The following MTHFD1L variants were observed in gnomAD, a reference collection of about 807,000 sequenced individuals.
MTHFD1L encodes the protein methylenetetrahydrofolate dehydrogenase (NADP+ dependent) 1 like, also known as monofunctional C1-tetrahydrofolate synthase, mitochondrial.
In MTHFD1L, 81 loss-of-function variants were observed where a neutral mutation model predicts 119.5. The ratio of observed to expected loss-of-function variants is 0.68; its 90% CI spans 0.57 to 0.82. The LOEUF is 0.82. Ranked by LOEUF, MTHFD1L falls within the 40% of genes least tolerant of loss-of-function variation. The pLI, the probability that MTHFD1L is intolerant of heterozygous loss-of-function variation, is 0.00. For missense variants in MTHFD1L, 1,125 were observed against 1,253.4 expected (o/e 0.90, Z 1.55); for synonymous variants, 430 against 475.2 (o/e 0.90, Z 1.24).
At chr6:151,062,705 A>G (rs576658403) in intron 26 of MTHFD1L, among the ~76,000 whole-genome samples, 4 of 152,310 alleles carry the variant, frequency 2.6e-5, no homozygotes, top group African/African-American at 9.6e-5. Flanking sequence ...ATTTGCTTGA[A>G]GCTCTGGTAA....
At chr6:150,915,987 G>A (rs565388838) in intron 8 of MTHFD1L, among the ~76,000 whole-genome samples, 1 of 152,296 alleles carries the variant, frequency 6.6e-6, no homozygotes, top group African/African-American at 2.4e-5. Context: ...CAGATCTCTA[G>A]TGGTTAAAAC....
chr6:150,980,540 C>T (rs182410195), intron 20 of MTHFD1L, among the ~76,000 whole-genome samples: 135 of 152,240 alleles, frequency 8.9e-4, no homozygotes, highest in African/African-American at 3.1e-3. Context: ...TCATCAAAAT[C>T]TTAACATGTC....
chr6:150,905,995 T>C (rs980799175), intron 8 of MTHFD1L, among the ~76,000 whole-genome samples: 2 of 152,210 alleles, frequency 1.3e-5, no homozygotes, highest in Non-Finnish European at 2.9e-5. Flanking sequence ...TACTGGCCTC[T>C]AGCAGTCAGG....
chr6:150,908,029 C>G (rs1786225775), intron 8 of MTHFD1L, among the ~76,000 whole-genome samples: 1 of 150,606 alleles, frequency 6.6e-6, no homozygotes, highest in Non-Finnish European at 1.5e-5. Flanking sequence ...TCCCAAGTAG[C>G]TAGGATTACA....
intron 17 of MTHFD1L, among the ~76,000 whole-genome samples, chr6:150,957,033 A>G (rs1795750123): frequency 6.6e-6 from 1 of 152,258 alleles, no homozygotes; most frequent in Non-Finnish European, 1.5e-5. Context: ...GATTAAAAGG[A>G]CAGCCCAAAA....
chr6:151,087,085 C>T (rs1334115574), intron 26 of MTHFD1L, among the ~76,000 whole-genome samples: 1 of 151,892 alleles, frequency 6.6e-6, no homozygotes, highest in Non-Finnish European at 1.5e-5. Context: ...CTTGTCTCTA[C>T]CAAAAATACA....
chr6:150,866,555 T>G (rs1778368672), intron 1 of MTHFD1L: 3 of 1,239,418 alleles, frequency 2.4e-6, no homozygotes, highest in Non-Finnish European at 2.0e-6. Context: ...CTCCCTGGTG[T>G]TGTGCGCCCT....
At chr6:150,912,586 C>T in intron 8 of MTHFD1L, 1 of 434,464 alleles carries the variant, frequency 2.3e-6, no homozygotes, top group South Asian at 1.8e-5. Context: ...GTGGTCTCTG[C>T]ACTGCTCATA....
intron 25 of MTHFD1L, among the ~76,000 whole-genome samples, chr6:151,036,296 A>G (rs1786155991): frequency 1.3e-5 from 2 of 152,106 alleles, no homozygotes; most frequent in Non-Finnish European, 2.9e-5. Flanking sequence ...TGTGGTTGCA[A>G]TGAATTAGCA....
intron 20 of MTHFD1L, among the ~76,000 whole-genome samples, chr6:150,976,283 C>A (rs2129030028): frequency 6.6e-6 from 1 of 152,284 alleles, no homozygotes; most frequent in South Asian, 2.1e-4. Flanking sequence ...ACACTGATAA[C>A]TTTCTTTGAA....
intron 1 of MTHFD1L, chr6:150,866,730 C>T (rs1778409374): frequency 1.4e-5 from 15 of 1,072,574 alleles, no homozygotes; most frequent in Non-Finnish European, 1.7e-5. Flanking sequence ...GGAGTCCCCG[C>T]GCAGCTGGGT....
At chr6:150,919,866 T>C (rs1204321605) in intron 9 of MTHFD1L, among the ~76,000 whole-genome samples, 2 of 152,138 alleles carry the variant, frequency 1.3e-5, no homozygotes, top group Admixed American at 1.3e-4. Context: ...CCAAACTATA[T>C]CAAATTGTTT....
At chr6:151,064,402 C>G (rs1252155603) in intron 26 of MTHFD1L, among the ~76,000 whole-genome samples, 1 of 151,544 alleles carries the variant, frequency 6.6e-6, no homozygotes, top group East Asian at 2.0e-4. Flanking sequence ...AACCTCCGCC[C>G]CCCCGGATTC....
Position 150,877,823 on chromosome 6 carries a change from C to A in MTHFD1L, c.414C>A (p.Ala138=), listed in dbSNP as rs774243579. ...HICLPPDSSE[A]EIIDEILKIN... ...GCCTCCCTCCAGATAGCAGTGAAGC[C>A]GAGGTAATAATGGCAGAGCTCTAAA... is the stretch of plus-strand genomic sequence containing the variant. Residue 138 remains alanine, a synonymous_variant, in exon 4 of 28, where the codon GCC becomes GCA. Coordinates refer to ENST00000367321, the MANE Select transcript of MTHFD1L (RefSeq NM_015440.5). 7 of 1,614,092 alleles carry A rather than the reference C, an allele frequency of 4.3e-6. No homozygotes were observed. Among genetic ancestry groups the A allele is most frequent in the Non-Finnish European group, 5.9e-6 (7 of 1,180,042 alleles).
At chr6:150,917,250 A>G (rs1366849469) in intron 8 of MTHFD1L, among the ~76,000 whole-genome samples, 1 of 151,826 alleles carries the variant, frequency 6.6e-6, no homozygotes, top group Non-Finnish European at 1.5e-5. Context: ...TAGGCCAGGC[A>G]TGGTGGCTCG....
intron 17 of MTHFD1L, chr6:150,959,122 T>C: frequency 1.1e-6 from 1 of 874,102 alleles, no homozygotes. Flanking sequence ...ATATTGAGAA[T>C]GTAATAATTG....
intron 21 of MTHFD1L, among the ~76,000 whole-genome samples, 191 bp downstream of exon 21, chr6:151,010,149 T>C (rs986651972): frequency 6.6e-6 from 1 of 152,214 alleles, no homozygotes; most frequent in Non-Finnish European, 1.5e-5. Context: ...TTTTTTGTTT[T>C]TTCCCAACAC....
At chr6:151,081,418 T>C (rs1378192752) in intron 26 of MTHFD1L, among the ~76,000 whole-genome samples, 1 of 150,136 alleles carries the variant, frequency 6.7e-6, no homozygotes, top group Non-Finnish European at 1.5e-5. Flanking sequence ...TTTGGGAGGC[T>C]GCGGTGCGCA....
chr6:151,089,417 C>T (rs1012647599), intron 26 of MTHFD1L, among the ~76,000 whole-genome samples: 2 of 152,158 alleles, frequency 1.3e-5, no homozygotes, highest in Non-Finnish European at 2.9e-5. Flanking sequence ...GCCTAGCCAA[C>T]ATGGTCAAAC....
Sources: gnomAD v4.1 joint callset for allele counts (sites outside exome capture counted in the v4.1 genomes callset) on GRCh38, gnomAD v4.1.1 for gene constraint, MANE v1.5 for transcripts, NCBI Gene and HGNC (gene_info 2026-07-23, HGNC 2026-07-21) for gene names.